The following NRCAM variants were observed in gnomAD, a reference collection of about 807,000 sequenced individuals.
The protein encoded by NRCAM is NgCAM-related cell adhesion molecule.
NRCAM carries 83 observed loss-of-function variants against 156.5 expected under a neutral mutation model. That is an observed-to-expected ratio of 0.53 (90% confidence interval 0.44 to 0.64). The LOEUF (loss-of-function observed/expected upper bound fraction) is 0.64, where lower values mean the gene tolerates loss of function less well. Ranked by LOEUF, NRCAM falls within the 30% of genes least tolerant of loss-of-function variation. The probability of loss-of-function intolerance (pLI) is 0.00; values close to 1 mark genes in which losing one functional copy is unlikely to be tolerated. For missense variants in NRCAM, 1,417 were observed against 1,597.3 expected, an observed-to-expected ratio of 0.89 and a Z score of 1.92; for synonymous variants, 538 against 563.9, an observed-to-expected ratio of 0.95 and a Z score of 0.65.
At chr7:108,232,250 TG>T in intron 7 of NRCAM, 75 bp downstream of exon 7, 1 of 1,068,082 alleles carries the variant, frequency 9.4e-7, no homozygotes, top group Non-Finnish European at 1.4e-6. Flanking sequence ...GAATAGTATT[TG>T]GATGATGTCA....
chr7:108,309,843 G>C (rs2098776065), intron 3 of NRCAM, among the ~76,000 whole-genome samples: 1 of 152,142 alleles, frequency 6.6e-6, no homozygotes, highest in Non-Finnish European at 1.5e-5. Context: ...GGTGACAAGT[G>C]AGACTCCATC....
At chr7:108,435,048 T>C (rs752448958) in intron 1 of NRCAM, among the ~76,000 whole-genome samples, 11 of 148,082 alleles carry the variant, frequency 7.4e-5, no homozygotes, top group Non-Finnish European at 1.5e-4. Flanking sequence ...AAAAAAACTA[T>C]CAATAGAAAA....
rs773792302 is a variant in NRCAM at position 108,150,101 on chromosome 7, A to G, written c.3724T>C (p.Ser1242Pro). ...KPLKKGSRTP[S>P]DRTVKKEDSD... ...TCTTCTTTTTTCACAGTCCTGTCTG[A>G]AGGAGTTCGACTTCCTTTTTTCAAA... is the stretch of plus-strand genomic sequence containing the variant. The change falls in exon 33 of 33, where the codon TCA becomes CCA. Residue 1242 changes from serine to proline, a missense_variant. By Grantham distance (74) the Ser-to-Pro change is moderately conservative. This residue lies in a region of NRCAM where 179 missense variants were observed against 260.9 expected (regional missense o/e 0.69). Transcript: ENST00000379028. The G allele has an allele frequency of 4.3e-6, 7 of 1,613,138 alleles. No individual in the cohort carries two copies. The highest frequency in any genetic ancestry group is 5.9e-6 in the Non-Finnish European group (7 of 1,179,770).
At chr7:108,444,508 A>C (rs1842302932) in intron 1 of NRCAM, among the ~76,000 whole-genome samples, 1 of 152,202 alleles carries the variant, frequency 6.6e-6, no homozygotes, top group Non-Finnish European at 1.5e-5. Context: ...ACAGTTCTGG[A>C]GACAGGAAGT....
chr7:108,196,697 T>C (rs948461867), intron 14 of NRCAM, among the ~76,000 whole-genome samples: 2 of 152,084 alleles, frequency 1.3e-5, no homozygotes, highest in African/African-American at 2.4e-5. Context: ...TTGGCAAGAA[T>C]GTAGAGAAAA....
At chr7:108,274,706 CT>C (rs1268397759) in intron 3 of NRCAM, among the ~76,000 whole-genome samples, 1 of 152,198 alleles carries the variant, frequency 6.6e-6, no homozygotes, top group Non-Finnish European at 1.5e-5. Flanking sequence ...TTGACTTCCT[CT>C]TTTCCTAATT....
At chr7:108,162,033 C>A (rs550601027) in intron 30 of NRCAM, among the ~76,000 whole-genome samples, 1 of 152,230 alleles carries the variant, frequency 6.6e-6, no homozygotes, top group Non-Finnish European at 1.5e-5. Flanking sequence ...AGTTTTGGAC[C>A]CTTACCATAG....
chr7:108,238,855 A>G (rs1044047940), intron 4 of NRCAM, among the ~76,000 whole-genome samples: 2 of 152,102 alleles, frequency 1.3e-5, no homozygotes, highest in Admixed American at 1.3e-4. Flanking sequence ...CAAAAAGTCA[A>G]CAAAGTGTGG....
At chr7:108,235,364 G>A (rs2094837731) in intron 5 of NRCAM, among the ~76,000 whole-genome samples, 1 of 152,114 alleles carries the variant, frequency 6.6e-6, no homozygotes, top group East Asian at 1.9e-4. Flanking sequence ...AAACTGTTCT[G>A]ACCCAGAACA....
intron 3 of NRCAM, among the ~76,000 whole-genome samples, chr7:108,275,497 C>A (rs1269668): frequency 0.51 from 77,390 of 152,070 alleles, 22,400 homozygotes; most frequent in East Asian, 0.86. Flanking sequence ...TTATCCATTT[C>A]TTCTAGATTT....
At chr7:108,186,805 A>G (rs1329409165) in intron 20 of NRCAM, among the ~76,000 whole-genome samples, 2 of 152,138 alleles carry the variant, frequency 1.3e-5, no homozygotes, top group African/African-American at 4.8e-5. Flanking sequence ...TAAGTTCTCA[A>G]ACCTTGTAAA....
chr7:108,293,565 C>T (rs956924611), intron 3 of NRCAM, among the ~76,000 whole-genome samples: 3 of 152,194 alleles, frequency 2.0e-5, no homozygotes, highest in African/African-American at 7.2e-5. Flanking sequence ...AGGCAGTACA[C>T]TGTGATACTG....
chr7:108,455,200 A>G (rs576318283), intron 1 of NRCAM, among the ~76,000 whole-genome samples: 1 of 151,804 alleles, frequency 6.6e-6, no homozygotes, highest in South Asian at 2.1e-4. Flanking sequence ...CTACTGCGAC[A>G]CCCCGTCCCC....
intron 11 of NRCAM, among the ~76,000 whole-genome samples, chr7:108,219,527 G>GA (rs2091316860): frequency 6.6e-6 from 1 of 152,160 alleles, no homozygotes. Context: ...GTATACTAGG[G>GA]ATGCAGGGAT....
chr7:108,156,094 C>T (rs950619936), intron 32 of NRCAM, among the ~76,000 whole-genome samples: 3 of 152,074 alleles, frequency 2.0e-5, no homozygotes, highest in African/African-American at 4.8e-5. Flanking sequence ...CTCTTTCCTA[C>T]CCACTCGCTA....
At chr7:108,455,238 G>T (rs1449755090) in intron 1 of NRCAM, among the ~76,000 whole-genome samples, 2 of 152,170 alleles carry the variant, frequency 1.3e-5, no homozygotes, top group Non-Finnish European at 2.9e-5. Flanking sequence ...TGCGGGCCGG[G>T]AGTAGCTGAG....
intron 2 of NRCAM, among the ~76,000 whole-genome samples, chr7:108,367,547 G>A (rs2099599361): frequency 6.6e-6 from 1 of 152,100 alleles, no homozygotes; most frequent in Non-Finnish European, 1.5e-5. Flanking sequence ...GAACTCTGTA[G>A]GAGTTTGGGG....
chr7:108,381,178 T>C (rs983526356), intron 2 of NRCAM, among the ~76,000 whole-genome samples: 5 of 152,220 alleles, frequency 3.3e-5, no homozygotes, highest in Non-Finnish European at 5.9e-5. Flanking sequence ...GTCATTGTAA[T>C]GAAAAATAAC....
In NRCAM at chr7:108,310,574, T is replaced by C. The variant is rs536484462; in HGVS notation, c.-107+2091A>G. 2.6e-5 allele frequency among the ~76,000 whole-genome samples: 4 copies of C among 152,228 alleles called. No individual in the cohort carries two copies. The South Asian group carries it at 6.2e-4, about 24-fold the overall frequency. ...GAACATCACAGCATGCCAGTGAATG[T>C]GGGAAAAACTACTGAAAACTCTAAG... On this transcript the variant is annotated intron_variant, in intron 3 of 32. Transcript: ENST00000379028.
Sources: allele counts gnomAD v4.1 joint callset (sites outside exome capture counted in the v4.1 genomes callset), GRCh38; gene constraint gnomAD v4.1.1; regional missense constraint gnomAD v4.1.1; transcripts MANE v1.5; gene names NCBI Gene and HGNC (gene_info 2026-07-23, HGNC 2026-07-21).